The following YWHAQ variants were observed in gnomAD, a reference collection of about 807,000 sequenced individuals.
The protein encoded by YWHAQ is 14-3-3 protein theta.
In YWHAQ, 6 loss-of-function variants were observed where a neutral mutation model predicts 28.3. That is an observed-to-expected ratio of 0.21 (90% CI 0.12 to 0.42). The LOEUF is 0.42. Ranked by LOEUF, YWHAQ falls within the 10% of genes least tolerant of loss-of-function variation. The pLI, the probability that YWHAQ is intolerant of heterozygous loss-of-function variation, is 1.00. For missense variants in YWHAQ, 201 were observed against 305.6 expected (o/e 0.66, Z 2.55); for synonymous variants, 143 against 119.1 (o/e 1.20, Z -1.31).
chr2:9,624,891 C>T (rs1667218215), intron 2 of YWHAQ, among the ~76,000 whole-genome samples: 2 of 151,724 alleles, frequency 1.3e-5, no homozygotes, highest in South Asian at 2.1e-4. Flanking sequence ...TACAGGTGCC[C>T]GCCACTACGC....
chr2:9,630,544 G>A lies in YWHAQ; in HGVS notation c.-82-10C>T, dbSNP rs1039072577. The A allele has an allele frequency of 1.6e-5, 21 of 1,283,352 alleles. No individual in the cohort carries two copies. The highest frequency in any genetic ancestry group is 5.9e-5 in the Admixed American group (2 of 34,090). 79.5% of individuals were successfully genotyped at this position (1,283,352 alleles called of 1,614,324 possible). A position where few individuals can be genotyped will look rare whatever the true frequency, so the allele number is the denominator to read the frequency against. On this transcript the variant is annotated splice_polypyrimidine_tract_variant and intron_variant, in intron 1 of 5. Transcript: ENST00000238081. This position sits in a 1 kb window ranked among gnomAD's most constrained non-coding sequence, Gnocchi z 5.6. ...GGAGGAGCCTCGAGAGCTGCGGAGG[G>A]GCGGGGCGGCGAGGCGAGAACAAAA... is the stretch of plus-strand genomic sequence containing the variant.
chr2:9,614,629 G>T (rs963697237), intron 2 of YWHAQ, among the ~76,000 whole-genome samples: 1 of 152,122 alleles, frequency 6.6e-6, no homozygotes, highest in Non-Finnish European at 1.5e-5. Context: ...GTCAAGTTTT[G>T]CTATATCCTA....
At chr2:9,590,079 A>G (rs17362734) in intron 3 of YWHAQ, among the ~76,000 whole-genome samples, 23,051 of 152,210 alleles carry the variant, frequency 0.15, 2,173 homozygotes, top group Middle Eastern at 0.24. Flanking sequence ...CTCAGCAATT[A>G]GGCTATAAAG....
intron 2 of YWHAQ, among the ~76,000 whole-genome samples, chr2:9,593,989 ACACACACACACGCACG>A (rs989390667): frequency 1.3e-5 from 2 of 150,960 alleles, no homozygotes; most frequent in African/African-American, 4.9e-5. Flanking sequence ...ACACACACAC[ACACACACACACGCACG>A]CACAAAAAAT....
At chr2:9,614,381 A>G (rs973079130) in intron 2 of YWHAQ, among the ~76,000 whole-genome samples, 1 of 152,242 alleles carries the variant, frequency 6.6e-6, no homozygotes, top group Non-Finnish European at 1.5e-5. Context: ...ACTAGCATCC[A>G]CAAGCTGTTT....
chr2:9,618,975 C>T (rs998876917), intron 2 of YWHAQ, among the ~76,000 whole-genome samples: 5 of 152,068 alleles, frequency 3.3e-5, no homozygotes, highest in African/African-American at 4.8e-5. Context: ...ATTACAAATT[C>T]TACTACCACA....
intron 2 of YWHAQ, among the ~76,000 whole-genome samples, chr2:9,597,661 A>G (rs944952989): frequency 6.8e-6 from 1 of 146,410 alleles, no homozygotes; most frequent in African/African-American, 2.7e-5. Context: ...AAAGAAAAAG[A>G]AAAAAAAATT....
chr2:9,597,979 C>T (rs898328329), intron 2 of YWHAQ, among the ~76,000 whole-genome samples: 8 of 111,406 alleles, frequency 7.2e-5, no homozygotes, highest in Admixed American at 2.5e-4. Context: ...ACCACCATGC[C>T]GGGCTATTTT....
In YWHAQ at chr2:9,626,765, T is replaced by C. The variant is rs1052502010; in HGVS notation, c.294+3394A>G. ...TTTTTTTGTGTCTAAATTTTGCTCT[T>C]GCCAACACTCAGTAAGATCACCAAT... On this transcript the variant is annotated intron_variant, in intron 2 of 5. Transcript: ENST00000238081. Among the ~76,000 whole-genome samples, 3 of 152,216 alleles carry C rather than the reference T, an allele frequency of 2.0e-5. No individual in the cohort carries two copies. The South Asian group carries it at 6.2e-4, about 31-fold the overall frequency.
At position 9,587,451 on chromosome 2, in the gene YWHAQ, C is replaced by A; in HGVS notation, c.641G>T (p.Ser214Ile). The A allele has an allele frequency of 6.2e-7, 1 of 1,611,720 alleles. No individual in the cohort carries two copies. The highest frequency in any genetic ancestry group is 1.7e-5 in the Admixed American group (1 of 59,922). The change falls in exon 5 of 6, where the codon AGC becomes ATC. Residue 214 changes from serine (S) to isoleucine (I), a missense_variant. By Grantham distance (142) the Ser-to-Ile change is moderately radical (BLOSUM62 -2). This residue lies in a region of YWHAQ where 39 missense variants were observed against 91.7 expected (regional missense o/e 0.43). Coordinates refer to ENST00000238081, the MANE Select transcript of YWHAQ (RefSeq NM_006826.4). ...DTLNEDSYKD[S>I]TLIMQLLRDN... ...TCTAAGCAACTGCATGATGAGGGTG[C>A]TGTCTTTGTATGAGTCTTCATTCAG...
At chr2:9,621,694 T>C (rs1328739215) in intron 2 of YWHAQ, among the ~76,000 whole-genome samples, 1 of 152,088 alleles carries the variant, frequency 6.6e-6, no homozygotes, top group African/African-American at 2.4e-5. Context: ...CCATATCAAC[T>C]AAAGAATACA....
Position 9,630,546 on chromosome 2 carries a change from CG to C in YWHAQ, c.-82-13del. ...AGGAGCCTCGAGAGCTGCGGAGGGGCGGGGCGGCGAGGCGAGAACAAAAAGC... is the reference window on the plus strand; with the variant it reads ...AGGAGCCTCGAGAGCTGCGGAGGGGCGGGCGGCGAGGCGAGAACAAAAAGC... On this transcript the variant is annotated splice_polypyrimidine_tract_variant and intron_variant, in intron 1 of 5. Transcript: ENST00000238081. This position sits in a 1 kb window ranked among gnomAD's most constrained non-coding sequence, Gnocchi z 5.6. The C allele has an allele frequency of 3.1e-6, 4 of 1,279,734 alleles. No individual in the cohort carries two copies. Among genetic ancestry groups the C allele is most frequent in the Non-Finnish European group, 4.2e-6 (4 of 959,092 alleles). 79.3% of individuals were successfully genotyped at this position (1,279,734 alleles called of 1,614,324 possible).
At chr2:9,621,275 G>C (rs1667138154) in intron 2 of YWHAQ, among the ~76,000 whole-genome samples, 1 of 152,072 alleles carries the variant, frequency 6.6e-6, no homozygotes, top group South Asian at 2.1e-4. Flanking sequence ...AATCTACTTA[G>C]CACTCATCAC....
intron 2 of YWHAQ, among the ~76,000 whole-genome samples, chr2:9,593,927 C>T (rs559700427): frequency 0.014 from 1,903 of 139,976 alleles, 36 homozygotes; most frequent in African/African-American, 0.046. Flanking sequence ...TATATATACA[C>T]ACACACACAC....
At chr2:9,607,270 G>A (rs1666849658) in intron 2 of YWHAQ, among the ~76,000 whole-genome samples, 2 of 148,952 alleles carry the variant, frequency 1.3e-5, no homozygotes, top group African/African-American at 2.5e-5. Context: ...GTGTGATCTC[G>A]GCTCACTGCA....
chr2:9,610,023 GA>G (rs1666914224), intron 2 of YWHAQ, among the ~76,000 whole-genome samples: 1 of 152,196 alleles, frequency 6.6e-6, no homozygotes, highest in South Asian at 2.1e-4. Flanking sequence ...ATCTCTTTCA[GA>G]GGATTATCTT....
rs1200938461 is a variant in YWHAQ, at chr2:9,584,256, G to C, written c.*1030C>G. Reference sequence around the variant, plus strand: ...AATATGGGTATGCAATTGTTACAAAGCCATAGTAAATGGTTTATAAAATGT... The same window carrying C: ...AATATGGGTATGCAATTGTTACAAACCCATAGTAAATGGTTTATAAAATGT... On this transcript the variant is annotated 3_prime_UTR_variant, in exon 6 of 6. Transcript: ENST00000238081. The C allele has an allele frequency of 1.3e-5, 2 of 152,574 alleles. No homozygotes were observed. Among genetic ancestry groups the C allele is most frequent in the Non-Finnish European group, 2.9e-5 (2 of 68,028 alleles). The allele number at this position is 152,574 out of a possible 1,614,324, so 9.5% of individuals were successfully genotyped here.
At chr2:9,615,242 T>C (rs1295318104) in intron 2 of YWHAQ, 2 of 152,120 alleles carry the variant, frequency 1.3e-5, no homozygotes, top group Non-Finnish European at 2.9e-5. Flanking sequence ...TCACATATTA[T>C]TACAGAGGGT....
Position 9,588,290 on chromosome 2 carries a change from A to G in YWHAQ, c.457T>C (p.Phe153Leu). 1.2e-6 allele frequency: 2 copies of G among 1,609,692 alleles called. No individual in the cohort carries two copies. Among genetic ancestry groups the G allele is most frequent in the South Asian group, 1.1e-5 (1 of 90,018 alleles). ...DNSQGAYQEA[F>L]DISKKEMQPT... ...TGCATCTCTTTCTTGCTTATATCAA[A>G]TGCCTCTTGGTAAGCTCCTTGGGAA... Residue 153 changes from phenylalanine (F) to leucine (L), a missense_variant, in exon 4 of 6, where the codon TTT (phenylalanine) becomes CTT (leucine). By Grantham distance (22) the Phe-to-Leu change is conservative. Around this residue, in one of 2 missense-constraint regions of YWHAQ, gnomAD observed 162 missense variants for 213.9 expected, o/e 0.76. Coordinates refer to ENST00000238081, the MANE Select transcript of YWHAQ (RefSeq NM_006826.4).
Sources: allele counts gnomAD v4.1 joint callset (sites outside exome capture counted in the v4.1 genomes callset), GRCh38; gene constraint gnomAD v4.1.1; regional missense constraint gnomAD v4.1.1; non-coding constraint Gnocchi (gnomAD v3.1); transcripts MANE v1.5; gene names NCBI Gene and HGNC (gene_info 2026-07-23, HGNC 2026-07-21).